SP3: variants seen among roughly 807,000 people sequenced by gnomAD.
The protein encoded by SP3 is transcription factor Sp3.
A neutral mutation model predicts 70.3 loss-of-function variants in SP3; 10 were observed. That is an observed-to-expected ratio of 0.14 (90% confidence interval 0.09 to 0.24). The LOEUF (loss-of-function observed/expected upper bound fraction) is 0.24, where lower values mean the gene tolerates loss of function less well. Ranked by LOEUF, SP3 falls within the 10% of genes least tolerant of loss-of-function variation. SP3 has a pLI of 1.00. For synonymous variants in SP3, 402 were observed against 333.5 expected, an observed-to-expected ratio of 1.21 and a Z score of -2.24; for missense variants, 825 against 914.6, an observed-to-expected ratio of 0.90 and a Z score of 1.26.
chr2:173,936,191 AT>A (rs1334868242), intron 4 of SP3, among the ~76,000 whole-genome samples: 1 of 151,844 alleles, frequency 6.6e-6, no homozygotes, highest in African/African-American at 2.4e-5. Flanking sequence ...CACCTGGCTA[AT>A]TTTTTTCTAT....
rs1689202245 is a variant in SP3, at chr2:173,902,228, C to T, written c.*7713G>A. Among the ~76,000 whole-genome samples the T allele has an allele frequency of 6.6e-6, 1 of 152,160 alleles. No homozygotes were observed. The highest frequency in any genetic ancestry group is 2.4e-5 in the African/African-American group (1 of 41,444). On this transcript the variant is annotated 3_prime_UTR_variant, in exon 7 of 7. Transcript: ENST00000310015. ...TTTCAGGTCCCTTTTAAATTTCTTA[C>T]TTATACTTGCTTTTCTTCCAGATGA...
intron 2 of SP3, 137 bp from the exon 3 acceptor site, chr2:173,964,020 C>T: frequency 5.0e-6 from 2 of 396,822 alleles, no homozygotes; most frequent in Admixed American, 4.8e-5. Context: ...CGCTCTCCTC[C>T]TCCTCCTCCT....
At chr2:173,918,012 T>C (rs1401365816) in intron 5 of SP3, among the ~76,000 whole-genome samples, 1 of 151,672 alleles carries the variant, frequency 6.6e-6, no homozygotes, top group Non-Finnish European at 1.5e-5. Flanking sequence ...AAAAAAAATA[T>C]GATCTGAGTC....
In SP3 at chr2:173,955,251, T is replaced by C. The variant is rs146762315; in HGVS notation, c.1261A>G (p.Ile421Val). 20 of 1,614,130 alleles carry C rather than the reference T, an allele frequency of 1.2e-5. No individual in the cohort carries two copies. The highest frequency in any genetic ancestry group is 1.7e-5 in the Non-Finnish European group (20 of 1,180,014). ...QIVQGITPQT[I>V]HGVQASGQNI... is the part of the protein sequence containing the mutation. ...TGACCACTGGCTTGCACACCATGGATTGTCTGTGGTGTAATACCTTGCACA... is the reference window on the plus strand; with the variant it reads ...TGACCACTGGCTTGCACACCATGGACTGTCTGTGGTGTAATACCTTGCACA... The change falls in exon 4 of 7, where the codon ATC (isoleucine) becomes GTC (valine). Residue 421 changes from isoleucine to valine, a missense_variant. Transcript: ENST00000310015.
rs2105448031 is a variant in SP3 at position 173,905,968 on chromosome 2, G to A, written c.*3973C>T. Among the ~76,000 whole-genome samples, 2 of 152,330 alleles carry A rather than the reference G, an allele frequency of 1.3e-5. No homozygotes were observed. ...TAAGCCATGATTGCACCACTGCACTGTGTGACAGAGACAGACCCTGTCAAA... is the reference window on the plus strand; with the variant it reads ...TAAGCCATGATTGCACCACTGCACTATGTGACAGAGACAGACCCTGTCAAA... On this transcript the variant is annotated 3_prime_UTR_variant, in exon 7 of 7. Transcript: ENST00000310015.
intron 5 of SP3, 103 bp downstream of exon 5, chr2:173,918,490 A>G (rs1330834395): frequency 8.5e-7 from 1 of 1,182,220 alleles, no homozygotes; most frequent in Non-Finnish European, 1.2e-6. Flanking sequence ...AAAAATGATC[A>G]TGTAATAATT....
intron 4 of SP3, among the ~76,000 whole-genome samples, chr2:173,940,027 C>G (rs1159992644): frequency 6.6e-6 from 1 of 152,072 alleles, no homozygotes; most frequent in Non-Finnish European, 1.5e-5. Context: ...GCACACATTA[C>G]TGTGACCAGC....
intron 4 of SP3, among the ~76,000 whole-genome samples, chr2:173,944,484 C>A (rs1690475190): frequency 1.3e-5 from 2 of 152,210 alleles, no homozygotes; most frequent in Admixed American, 1.3e-4. Context: ...AACTGCACCA[C>A]TGCACTCCAG....
chr2:173,944,081 C>T (rs1433987734), intron 4 of SP3, among the ~76,000 whole-genome samples: 1 of 152,228 alleles, frequency 6.6e-6, no homozygotes, highest in Non-Finnish European at 1.5e-5. Flanking sequence ...TCGCTGCTGA[C>T]TGAAACATCA....
At chr2:173,939,194 C>G (rs199876038) in intron 4 of SP3, among the ~76,000 whole-genome samples, 1 of 152,142 alleles carries the variant, frequency 6.6e-6, no homozygotes, top group South Asian at 2.1e-4. Flanking sequence ...TGTAAGTTAT[C>G]TGTAGACTCA....
At chr2:173,925,577 A>G (rs188535371) in intron 4 of SP3, among the ~76,000 whole-genome samples, 32 of 152,324 alleles carry the variant, frequency 2.1e-4, no homozygotes, top group African/African-American at 6.5e-4. Flanking sequence ...TGTGTTTTTT[A>G]CAATTTTTTT....
intron 6 of SP3, among the ~76,000 whole-genome samples, chr2:173,912,772 C>T (rs778625258): frequency 3.4e-4 from 51 of 152,158 alleles, no homozygotes; most frequent in Middle Eastern, 3.4e-3. Context: ...AAGCTGACAA[C>T]TAATTAAAAA....
chr2:173,932,971 C>T (rs533560712), intron 4 of SP3, among the ~76,000 whole-genome samples: 1 of 151,782 alleles, frequency 6.6e-6, no homozygotes, highest in Non-Finnish European at 1.5e-5. Context: ...CAGGCCTGGG[C>T]GACAGTACGA....
chr2:173,943,533 G>C (rs1232952026), intron 4 of SP3, among the ~76,000 whole-genome samples: 1 of 152,052 alleles, frequency 6.6e-6, no homozygotes, highest in Non-Finnish European at 1.5e-5. Flanking sequence ...GTCTCACTAT[G>C]TTGCCCAGGC....
intron 4 of SP3, among the ~76,000 whole-genome samples, chr2:173,953,781 A>ACC (rs1690790881): frequency 1.4e-5 from 1 of 73,512 alleles, no homozygotes; most frequent in African/African-American, 4.9e-5. Context: ...AAACAAAACA[A>ACC]AACAAAAAAA....
chr2:173,915,266 T>G (rs933838564), intron 5 of SP3: 1 of 152,026 alleles, frequency 6.6e-6, no homozygotes, highest in Non-Finnish European at 1.5e-5. Context: ...GCACACATAT[T>G]TAAGGAAAAA....
At chr2:173,961,547 A>T (rs2105506389) in intron 3 of SP3, among the ~76,000 whole-genome samples, 1 of 152,350 alleles carries the variant, frequency 6.6e-6, no homozygotes, top group Non-Finnish European at 1.5e-5. Context: ...ACCAATGTTC[A>T]TGTCTTAATT....
rs1205759686 is a variant in SP3, at chr2:173,910,710, CT to C, written c.2030-454del. On this transcript the variant is annotated intron_variant, in intron 6 of 6. Coordinates refer to ENST00000310015, the MANE Select transcript of SP3 (RefSeq NM_003111.5). ...AAATATGAATTAAAGCAACAGGGTA[CT>C]TCTAGATTAAAGAAATGACACCACA... Among the ~76,000 whole-genome samples the C allele has an allele frequency of 2.6e-5, 4 of 152,102 alleles. No individual in the cohort carries two copies. The East Asian group carries it at 7.7e-4, about 29-fold the overall frequency.
At chr2:173,962,119 G>A (rs1040751274) in intron 3 of SP3, among the ~76,000 whole-genome samples, 2 of 152,072 alleles carry the variant, frequency 1.3e-5, no homozygotes, top group African/African-American at 4.8e-5. Context: ...AAGAAGCATG[G>A]AAACTTCCCT....
Sources: gnomAD v4.1 joint callset for allele counts (sites outside exome capture counted in the v4.1 genomes callset) on GRCh38, gnomAD v4.1.1 for gene constraint, MANE v1.5 for transcripts, NCBI Gene and HGNC (gene_info 2026-07-23, HGNC 2026-07-21) for gene names.